ZNF462: variants seen among roughly 807,000 people sequenced by gnomAD.
ZNF462 encodes zinc finger PBX1-interacting protein.
ZNF462 carries 10 observed loss-of-function variants against 201.9 expected under a neutral mutation model. That is an observed-to-expected ratio of 0.05 (90% confidence interval 0.03 to 0.08). The LOEUF is 0.08. ZNF462 is among the 10% of genes least tolerant of loss of function. The pLI is 1.00. For missense variants in ZNF462, 2,523 were observed against 3,168.3 expected (o/e 0.80, Z 4.89); for synonymous variants, 1,227 against 1,193.3 (o/e 1.03, Z -0.58).
chr9:106,984,279 G>A lies in ZNF462; in HGVS notation c.6926G>A (p.Cys2309Tyr). The change falls in exon 10 of 13, where the codon TGC becomes TAC. Residue 2309 changes from cysteine to tyrosine, a missense_variant. This residue lies in a region of ZNF462 where 228 missense variants were observed against 361.2 expected (regional missense o/e 0.63). Transcript: ENST00000277225. The surrounding 1 kb of genome is among the most constrained non-coding windows in gnomAD (Gnocchi z 6.4). ...CGCTGTGATAAGTGTACCTTCACCT[G>A]CTCCAGTGATGAGAGCCTCCAGCAA... ...VFRCDKCTFT[C>Y]SSDESLQQHI... The A allele has an allele frequency of 1.9e-6, 3 of 1,614,042 alleles. No individual in the cohort carries two copies. The highest frequency in any genetic ancestry group is 2.5e-6 in the Non-Finnish European group (3 of 1,179,970).
rs775058863 is a variant in ZNF462, at chr9:106,927,681, C to T, written c.3769C>T (p.Arg1257Trp). 9.3e-6 allele frequency: 15 copies of T among 1,613,900 alleles called. No homozygotes were observed. The highest frequency in any genetic ancestry group is 1.7e-5 in the Admixed American group (1 of 59,994). Reference sequence around the variant, plus strand: ...GCTTGTCTCCCCCTCTAATCTGGAGCGGGACAAAACGAAACTCCGAGCACT... The same window carrying T: ...GCTTGTCTCCCCCTCTAATCTGGAGTGGGACAAAACGAAACTCCGAGCACT... ...CVLVSPSNLE[R>W]DKTKLRALKC... is the part of the protein sequence containing the mutation. The change falls in exon 3 of 13, where the codon CGG becomes TGG. Residue 1257 changes from arginine (R) to tryptophan (W), a missense_variant. This residue lies in a region of ZNF462 where 222 missense variants were observed against 271.6 expected (regional missense o/e 0.82). Transcript: ENST00000277225.
intron 7 of ZNF462, among the ~76,000 whole-genome samples, chr9:106,940,588 A>G (rs1322518693): frequency 1.3e-5 from 2 of 152,216 alleles, no homozygotes; most frequent in Non-Finnish European, 2.9e-5. Context: ...TTTGCAAATC[A>G]TTTATAGTGT....
chr9:106,966,601 A>G lies in ZNF462; in HGVS notation c.6428-5404A>G, dbSNP rs1359557765. The stretch of plus-strand genomic sequence containing the variant: ...ACCTCTATTAAAACATTTTGTTTGC[A>G]TTGTATCACGATCAATTATTTACAT... On this transcript the variant is annotated intron_variant, in intron 7 of 12. Coordinates refer to ENST00000277225, the MANE Select transcript of ZNF462 (RefSeq NM_021224.6). The surrounding 1 kb of genome is among the most constrained non-coding windows in gnomAD (Gnocchi z 4.4). Among the ~76,000 whole-genome samples the G allele has an allele frequency of 6.6e-6, 1 of 152,002 alleles. No homozygotes were observed. Among genetic ancestry groups the G allele is most frequent in the Non-Finnish European group, 1.5e-5 (1 of 67,990 alleles).
At position 106,989,650 on chromosome 9, in the gene ZNF462, G is replaced by T. The variant is rs1468499205; in HGVS notation, c.7056+5241G>T. 2.0e-5 allele frequency among the ~76,000 whole-genome samples: 3 copies of T among 152,010 alleles called. No individual in the cohort carries two copies. In the East Asian group the frequency reaches 5.8e-4, roughly 29 times the overall value. Reference sequence around the variant, plus strand: ...TGAGTACCAATTCTGGTAGAATTCTGCTGTGAATACATCTGGTCCTGGACT... The same window carrying T: ...TGAGTACCAATTCTGGTAGAATTCTTCTGTGAATACATCTGGTCCTGGACT... On this transcript the variant is annotated intron_variant, in intron 10 of 12. Transcript: ENST00000277225.
At position 106,977,124 on chromosome 9, in the gene ZNF462, G is replaced by A. The variant is rs1357709189; in HGVS notation, c.6832+2851G>A. 1.3e-5 allele frequency among the ~76,000 whole-genome samples: 2 copies of A among 152,136 alleles called. No individual in the cohort carries two copies. The highest frequency in any genetic ancestry group is 2.9e-5 in the Non-Finnish European group (2 of 68,034). On this transcript the variant is annotated intron_variant, in intron 9 of 12. Transcript: ENST00000277225. This position sits in a 1 kb window ranked among gnomAD's most constrained non-coding sequence, Gnocchi z 4.6. ...CAGCCATGTATACCATCTGTGTCCC[G>A]GCCTGGCTTTGGTGTCCATCTCTAC...
At position 106,935,651 on chromosome 9, in the gene ZNF462, C is replaced by T; in HGVS notation, c.6235+30C>T. The T allele has an allele frequency of 6.4e-7, 1 of 1,558,486 alleles. No individual in the cohort carries two copies. Among genetic ancestry groups the T allele is most frequent in the Non-Finnish European group, 8.8e-7 (1 of 1,130,032 alleles). On this transcript the variant is annotated intron_variant, in intron 6 of 12. Transcript: ENST00000277225. This position sits in a 1 kb window ranked among gnomAD's most constrained non-coding sequence, Gnocchi z 4.1. ...GTTGTGCATTGATGATGCACAAGTT[C>T]TTTAGCACTCTCTGAGTTTGAAACC...
chr9:106,968,842 AT>A lies in ZNF462; in HGVS notation c.6428-3158del, dbSNP rs369331719. 8.9e-3 allele frequency among the ~76,000 whole-genome samples: 1,349 copies of A among 152,250 alleles called. 5 individuals are homozygous for A. The highest frequency in any genetic ancestry group is 0.013 in the Non-Finnish European group (890 of 68,006). On this transcript the variant is annotated intron_variant, in intron 7 of 12. Transcript: ENST00000277225. This position sits in a 1 kb window ranked among gnomAD's most constrained non-coding sequence, Gnocchi z 4.0. ...ATGAAAGAAAATAGTCTTAATGATG[AT>A]TTTTAACTTATGTGACATGCCCTTC... is the stretch of plus-strand genomic sequence containing the variant.
chr9:106,864,063 T>C (rs1037779448), intron 1 of ZNF462, among the ~76,000 whole-genome samples: 22 of 98,684 alleles, frequency 2.2e-4, no homozygotes, highest in East Asian at 2.2e-3. Context: ...TCTCTCTCTC[T>C]CTCTCTCTCT....
chr9:106,899,558 A>C (rs890025530), intron 1 of ZNF462, among the ~76,000 whole-genome samples: 2 of 152,188 alleles, frequency 1.3e-5, no homozygotes, highest in Admixed American at 6.5e-5. Flanking sequence ...AGTTAGACAC[A>C]GTGAGCAATG....
rs1448187775 is a variant in ZNF462, at chr9:107,003,393, G to A, written c.7156G>A (p.Glu2386Lys). The A allele has an allele frequency of 6.2e-7, 1 of 1,613,686 alleles. No homozygotes were observed. The highest frequency in any genetic ancestry group is 1.7e-5 in the Admixed American group (1 of 59,938). Residue 2386 changes from glutamate (E) to lysine (K), a missense_variant, in exon 11 of 13, where the codon GAA (glutamate) becomes AAA (lysine). By Grantham distance (56) the Glu-to-Lys change is moderately conservative. Around this residue, in one of 15 missense-constraint regions of ZNF462, gnomAD observed 228 missense variants for 361.2 expected, o/e 0.63. Transcript: ENST00000277225. The surrounding 1 kb of genome is among the most constrained non-coding windows in gnomAD (Gnocchi z 4.4). ...CTCCAGCAGCGATGATGAGGACAAG[G>A]AAGAAGAAATGAACAGCAAGGCTGA... Reference protein sequence around the residue: ...ESSSSDDEDKEEEMNSKAEDR... With the variant: ...ESSSSDDEDKKEEMNSKAEDR...
intron 9 of ZNF462, among the ~76,000 whole-genome samples, chr9:106,982,685 G>A (rs1175526562): frequency 6.6e-6 from 1 of 152,160 alleles, no homozygotes; most frequent in East Asian, 1.9e-4. Flanking sequence ...TAGAGCTCCA[G>A]GGGGTATGTT....
In ZNF462 at chr9:106,923,751, T is replaced by A; in HGVS notation, c.220+148T>A. On this transcript the variant is annotated intron_variant, in intron 2 of 12. Coordinates refer to ENST00000277225, the MANE Select transcript of ZNF462 (RefSeq NM_021224.6). The surrounding 1 kb of genome is among the most constrained non-coding windows in gnomAD (Gnocchi z 5.6). Reference sequence around the variant, plus strand: ...TTTTGTGGTTTGGGCATCATGTATCTCTCCTTGAGTACCTTAGGTTTTATC... The same window carrying A: ...TTTTGTGGTTTGGGCATCATGTATCACTCCTTGAGTACCTTAGGTTTTATC... The A allele has an allele frequency of 1.4e-6, 1 of 723,180 alleles. No homozygotes were observed. Among genetic ancestry groups the A allele is most frequent in the Non-Finnish European group, 2.3e-6 (1 of 442,586 alleles). The allele number at this position is 723,180 out of a possible 1,614,324, so 44.8% of individuals were successfully genotyped here. A position where few individuals can be genotyped will look rare whatever the true frequency, so the allele number is the denominator to read the frequency against.
chr9:106,977,361 G>A lies in ZNF462; in HGVS notation c.6832+3088G>A, dbSNP rs1827085249. On this transcript the variant is annotated intron_variant, in intron 9 of 12. Transcript: ENST00000277225. The surrounding 1 kb of genome is among the most constrained non-coding windows in gnomAD (Gnocchi z 4.6). ...AGGTCTTAGTTAATTAAAGTATGTG[G>A]GATGAAAAGCAAGAAAACCAACTTC... 6.6e-6 allele frequency among the ~76,000 whole-genome samples: 1 copy of A among 151,436 alleles called. No homozygotes were observed. The highest frequency in any genetic ancestry group is 2.5e-5 in the African/African-American group (1 of 40,766).
rs557847298 is a variant in ZNF462 at position 106,914,286 on chromosome 9, T to A, written c.-30-9068T>A. 2.3e-4 allele frequency among the ~76,000 whole-genome samples: 35 copies of A among 152,144 alleles called. 1 individual carries two copies. Among genetic ancestry groups the A allele is most frequent in the African/African-American group, 8.4e-4 (35 of 41,518 alleles). On this transcript the variant is annotated intron_variant, in intron 1 of 12. Transcript: ENST00000277225. The stretch of plus-strand genomic sequence containing the variant: ...ACGAAAATACCTGGAGATCATTAAG[T>A]TTTCAGTCTCAGCACTATTGACATT...
At chr9:106,986,959 G>A (rs1827878210) in intron 10 of ZNF462, among the ~76,000 whole-genome samples, 1 of 150,828 alleles carries the variant, frequency 6.6e-6, no homozygotes. Context: ...CCTTTTTATG[G>A]CTGAGTAGTA....
At chr9:106,969,364 T>C (rs1178977193) in intron 7 of ZNF462, among the ~76,000 whole-genome samples, 1 of 152,220 alleles carries the variant, frequency 6.6e-6, no homozygotes, top group Non-Finnish European at 1.5e-5. Flanking sequence ...AGGTTTTCCA[T>C]ACTGTATAAA....
chr9:106,967,016 G>C (rs1400648786), intron 7 of ZNF462, among the ~76,000 whole-genome samples: 2 of 152,046 alleles, frequency 1.3e-5, no homozygotes, highest in Non-Finnish European at 2.9e-5. Flanking sequence ...ATGCAAGGGG[G>C]CTGTCCTCTG....
chr9:106,956,437 A>G (rs1831577961), intron 7 of ZNF462, among the ~76,000 whole-genome samples: 1 of 152,166 alleles, frequency 6.6e-6, no homozygotes, highest in Non-Finnish European at 1.5e-5. Flanking sequence ...TTGTTGTTCC[A>G]TTTATAGAGC....
Position 106,895,939 on chromosome 9 carries a change from G to T in ZNF462, c.-30-27415G>T, listed in dbSNP as rs565255948. Among the ~76,000 whole-genome samples the T allele has an allele frequency of 8.9e-4, 136 of 152,140 alleles. No individual in the cohort carries two copies. The highest frequency in any genetic ancestry group is 3.2e-3 in the African/African-American group (131 of 41,512). ...TCCTGGTTTTATTTACTTATGAGAAGAAATGCAATGCAAAAAAAACAAGAA... is the reference window on the plus strand; with the variant it reads ...TCCTGGTTTTATTTACTTATGAGAATAAATGCAATGCAAAAAAAACAAGAA... On this transcript the variant is annotated intron_variant, in intron 1 of 12. Coordinates refer to ENST00000277225, the MANE Select transcript of ZNF462 (RefSeq NM_021224.6). The surrounding 1 kb of genome is among the most constrained non-coding windows in gnomAD (Gnocchi z 4.4).
Sources: allele counts gnomAD v4.1 joint callset (sites outside exome capture counted in the v4.1 genomes callset), GRCh38; gene constraint gnomAD v4.1.1; regional missense constraint gnomAD v4.1.1; non-coding constraint Gnocchi (gnomAD v3.1); transcripts MANE v1.5; gene names NCBI Gene and HGNC (gene_info 2026-07-23, HGNC 2026-07-21).